WDPCP: variants seen among roughly 807,000 people sequenced by gnomAD.
WDPCP encodes the protein WD repeat-containing and planar cell polarity effector protein fritz homolog.
WDPCP carries 71 observed loss-of-function variants against 93.1 expected under a neutral mutation model. The observed-to-expected ratio is 0.76, with a 90% CI of 0.63 to 0.93. WDPCP has a LOEUF of 0.93. Among genes scored for constraint, WDPCP ranks in the 40% least tolerant of loss-of-function variants. WDPCP has a pLI of 0.00. For missense variants in WDPCP, 844 were observed against 887.4 expected, an observed-to-expected ratio of 0.95 and a Z score of 0.62; for synonymous variants, 315 against 315.0, an observed-to-expected ratio of 1.00 and a Z score of 0.00.
chr2:63,332,692 A>G (rs1575162358), intron 12 of WDPCP, among the ~76,000 whole-genome samples: 1 of 152,082 alleles, frequency 6.6e-6, no homozygotes, highest in Non-Finnish European at 1.5e-5. Context: ...TGTGGCTTCC[A>G]TTTTCATTTT....
At chr2:63,527,275 G>C (rs1703413740) in intron 1 of WDPCP, among the ~76,000 whole-genome samples, 1 of 150,912 alleles carries the variant, frequency 6.6e-6, no homozygotes, top group Non-Finnish European at 1.5e-5. Context: ...CAACGTGCAG[G>C]TTTGTTACAT....
Position 63,517,546 on chromosome 2 carries a change from A to G in WDPCP, c.76-24606T>C, listed in dbSNP as rs1702632935. Reference sequence around the variant, plus strand: ...ACACTTTTTCTTATAATAAAACATTATATAAGACTCCAATATATAAAACTT... The same window carrying G: ...ACACTTTTTCTTATAATAAAACATTGTATAAGACTCCAATATATAAAACTT... On this transcript the variant is annotated intron_variant, in intron 1 of 17. Coordinates refer to ENST00000272321, the MANE Select transcript of WDPCP (RefSeq NM_015910.7). Among the ~76,000 whole-genome samples the G allele has an allele frequency of 2.0e-5, 3 of 152,220 alleles. No individual in the cohort carries two copies. The South Asian group carries it at 6.2e-4, about 31-fold the overall frequency.
At chr2:63,787,605 A>G (rs1283862746) in intron 2 of WDPCP, among the ~76,000 whole-genome samples, 2 of 152,212 alleles carry the variant, frequency 1.3e-5, no homozygotes. Context: ...TATTTAAAAC[A>G]TATATCATGG....
chr2:63,130,846 G>A (rs1670243607), intron 17 of WDPCP, among the ~76,000 whole-genome samples: 2 of 152,070 alleles, frequency 1.3e-5, no homozygotes, highest in Middle Eastern at 3.4e-3. Context: ...CTTCAATTAT[G>A]TTAATGTTTG....
intron 2 of WDPCP, among the ~76,000 whole-genome samples, chr2:63,789,079 C>G (rs1021523431): frequency 6.6e-6 from 1 of 151,884 alleles, no homozygotes. Context: ...ATTTTTATTT[C>G]TATAAAAAAT....
At chr2:63,409,273 G>A (rs1242565819) in intron 9 of WDPCP, among the ~76,000 whole-genome samples, 1 of 152,130 alleles carries the variant, frequency 6.6e-6, no homozygotes, top group Admixed American at 6.5e-5. Context: ...TAGACTTCCT[G>A]GGTGGCTAGA....
chr2:63,632,346 C>T (rs556887783), intron 3 of WDPCP, among the ~76,000 whole-genome samples: 1 of 152,266 alleles, frequency 6.6e-6, no homozygotes, highest in African/African-American at 2.4e-5. Flanking sequence ...ACCAGAGGAA[C>T]ACAATAATTT....
intron 3 of WDPCP, chr2:63,622,906 C>T (rs1034956351): frequency 1.5e-6 from 2 of 1,291,484 alleles, no homozygotes; most frequent in South Asian, 1.3e-5. Context: ...GGGGGCCGGG[C>T]CAGGCCGGGG....
intron 9 of WDPCP, among the ~76,000 whole-genome samples, chr2:63,426,504 G>T (rs1256241079): frequency 6.6e-6 from 1 of 152,140 alleles, no homozygotes; most frequent in Non-Finnish European, 1.5e-5. Context: ...AATGCTAAGG[G>T]AATTCATTAC....
upstream of WDPCP, chr2:63,589,997 C>T (rs1382057125): frequency 6.5e-6 from 1 of 153,890 alleles, no homozygotes; most frequent in Non-Finnish European, 1.4e-5. Context: ...GGAAATTTCC[C>T]AGAACCTGAA....
intron 13 of WDPCP, among the ~76,000 whole-genome samples, chr2:63,264,057 T>TA (rs10713935): frequency 3.5e-4 from 53 of 150,970 alleles, no homozygotes; most frequent in Admixed American, 6.6e-4. Context: ...TCCTTTTTCT[T>TA]AAAAAAAAAA....
chr2:63,160,223 C>T (rs1672552794), intron 15 of WDPCP, among the ~76,000 whole-genome samples: 3 of 152,150 alleles, frequency 2.0e-5, no homozygotes, highest in African/African-American at 7.2e-5. Flanking sequence ...GAACCAGAAC[C>T]TGATAATCGT....
intron 2 of WDPCP, among the ~76,000 whole-genome samples, chr2:63,778,017 T>C (rs1398661156): frequency 3.3e-5 from 5 of 152,186 alleles, no homozygotes; most frequent in Non-Finnish European, 7.3e-5. Flanking sequence ...GGATAAAAAC[T>C]GAACTCCTAG....
intron 14 of WDPCP, among the ~76,000 whole-genome samples, chr2:63,225,106 G>A (rs532525973): frequency 6.6e-6 from 1 of 151,166 alleles, no homozygotes; most frequent in Non-Finnish European, 1.5e-5. Flanking sequence ...AGATACTCAG[G>A]AATGAAAAAA....
chr2:63,327,625 T>C (rs898591720), intron 12 of WDPCP, among the ~76,000 whole-genome samples: 2 of 152,126 alleles, frequency 1.3e-5, no homozygotes, highest in African/African-American at 2.4e-5. Flanking sequence ...TCAGGGACAG[T>C]ATGAGATATC....
chr2:63,620,495 A>T (rs1156470154), intron 3 of WDPCP, among the ~76,000 whole-genome samples: 1 of 152,144 alleles, frequency 6.6e-6, no homozygotes, highest in Non-Finnish European at 1.5e-5. Context: ...TGGGCAGGAC[A>T]TCCCTGAAAG....
chr2:63,141,734 C>T (rs1671073153), intron 17 of WDPCP, among the ~76,000 whole-genome samples: 2 of 152,066 alleles, frequency 1.3e-5, no homozygotes, highest in African/African-American at 4.8e-5. Flanking sequence ...ATCTGAATGT[C>T]TCCTGTGAAT....
intron 14 of WDPCP, among the ~76,000 whole-genome samples, chr2:63,189,480 C>T (rs1574834524): frequency 6.6e-6 from 1 of 152,120 alleles, no homozygotes; most frequent in Non-Finnish European, 1.5e-5. Context: ...GGTGATTTGT[C>T]TCCATAGAAA....
chr2:63,664,744 A>G (rs1710264703), intron 2 of WDPCP, among the ~76,000 whole-genome samples: 1 of 152,226 alleles, frequency 6.6e-6, no homozygotes, highest in African/African-American at 2.4e-5. Context: ...AGAGAAGATA[A>G]TAATTATAGC....
Sources: allele counts gnomAD v4.1 joint callset (sites outside exome capture counted in the v4.1 genomes callset), GRCh38; gene constraint gnomAD v4.1.1; transcripts MANE v1.5; gene names NCBI Gene and HGNC (gene_info 2026-07-23, HGNC 2026-07-21).